Variants in CPNE4 observed in about 807,000 individuals in gnomAD.
CPNE4 encodes the protein copine-4.
In CPNE4, 25 loss-of-function variants were observed where a neutral mutation model predicts 67.9. The ratio of observed to expected loss-of-function variants is 0.37; its 90% CI spans 0.27 to 0.51. The LOEUF (loss-of-function observed/expected upper bound fraction) is 0.51. Among genes scored for constraint, CPNE4 ranks in the 20% least tolerant of loss-of-function variants. The pLI is 0.93. For missense variants in CPNE4, 464 were observed against 690.8 expected (o/e 0.67, Z 3.68); for synonymous variants, 242 against 244.9 (o/e 0.99, Z 0.11).
chr3:131,550,795 C>T (rs1055157371), intron 13 of CPNE4, among the ~76,000 whole-genome samples: 5 of 152,182 alleles, frequency 3.3e-5, no homozygotes, highest in Admixed American at 1.3e-4. Flanking sequence ...GTTATCATCA[C>T]GGACAACCCC....
chr3:131,542,501 G>T, intron 15 of CPNE4, 56 bp downstream of exon 15: 2 of 1,167,062 alleles, frequency 1.7e-6, no homozygotes, highest in Non-Finnish European at 2.6e-6. Flanking sequence ...TGTGGGAGGT[G>T]AGCATGCTTT....
chr3:131,768,708 G>T (rs998043219), intron 2 of CPNE4, among the ~76,000 whole-genome samples: 3 of 152,018 alleles, frequency 2.0e-5, no homozygotes, highest in Non-Finnish European at 4.4e-5. Flanking sequence ...GGATGATTTT[G>T]CCTTGTTTTT....
At chr3:132,038,680 G>A (rs1462923488), upstream of CPNE4, among the ~76,000 whole-genome samples, 6 of 152,092 alleles carry the variant, frequency 3.9e-5, no homozygotes, top group Non-Finnish European at 8.8e-5. Flanking sequence ...CCAAGATTCT[G>A]CTTTTTAACT....
At chr3:131,681,880 CT>C (rs573273718) in intron 6 of CPNE4, among the ~76,000 whole-genome samples, 119 of 151,906 alleles carry the variant, frequency 7.8e-4, no homozygotes, top group South Asian at 4.0e-3. Context: ...CAAGCTAATT[CT>C]TTCTTCTGCT....
chr3:131,684,170 G>GTT (rs1409628897), intron 6 of CPNE4, among the ~76,000 whole-genome samples: 1 of 152,218 alleles, frequency 6.6e-6, no homozygotes, highest in South Asian at 2.1e-4. Flanking sequence ...TTGTGTGTGT[G>GTT]TGGAGAGTTG....
At chr3:131,785,956 G>C (rs2083551220) in intron 2 of CPNE4, among the ~76,000 whole-genome samples, 1 of 152,084 alleles carries the variant, frequency 6.6e-6, no homozygotes, top group Admixed American at 6.6e-5. Context: ...TATATGACCA[G>C]CTTTCATGAT....
rs572983045 is a variant in CPNE4, at chr3:131,585,850, T to C, written c.780+1634A>G. The stretch of plus-strand genomic sequence containing the variant: ...GGTTTTAACTGTGGCTCTGAAACTC[T>C]GCATCCTGGCTTGTGGGTGATGGTC... On this transcript the variant is annotated intron_variant, in intron 8 of 15. Coordinates refer to ENST00000429747, the MANE Select transcript of CPNE4 (RefSeq NM_130808.3). Among the ~76,000 whole-genome samples the C allele has an allele frequency of 1.6e-3, 242 of 152,294 alleles. 1 individual carries two copies. Among genetic ancestry groups the C allele is most frequent in the Non-Finnish European group, 2.8e-3 (193 of 68,028 alleles).
At chr3:131,578,514 C>T (rs899001796) in intron 9 of CPNE4, among the ~76,000 whole-genome samples, 3 of 152,126 alleles carry the variant, frequency 2.0e-5, no homozygotes, top group Non-Finnish European at 4.4e-5. Flanking sequence ...GCATCTCTTA[C>T]TTAAAATTAA....
intron 1 of CPNE4, among the ~76,000 whole-genome samples, chr3:131,940,450 C>T (rs2071353145): frequency 6.6e-6 from 1 of 151,834 alleles, no homozygotes; most frequent in African/African-American, 2.4e-5. Context: ...CATGTCTTAC[C>T]TTTCATGTAT....
At chr3:131,724,882 T>C (rs1401249345) in intron 2 of CPNE4, among the ~76,000 whole-genome samples, 2 of 152,222 alleles carry the variant, frequency 1.3e-5, no homozygotes, top group East Asian at 3.8e-4. Context: ...GCTCTTTTCC[T>C]ACATACTTGT....
At position 131,719,946 on chromosome 3, in the gene CPNE4, A is replaced by G. The variant is rs1583076717; in HGVS notation, c.360+3500T>C. Among the ~76,000 whole-genome samples the G allele has an allele frequency of 2.0e-5, 3 of 152,250 alleles. No individual in the cohort carries two copies. The South Asian group carries it at 6.2e-4, about 32-fold the overall frequency. ...CTCTTGCAAGTGGGTGATGAGATTC[A>G]TGTGATTAGCTGAGATCACTCAGGA... On this transcript the variant is annotated intron_variant, in intron 3 of 15. Coordinates refer to ENST00000429747, the MANE Select transcript of CPNE4 (RefSeq NM_130808.3).
intron 2 of CPNE4, among the ~76,000 whole-genome samples, chr3:131,765,176 G>A (rs1583162941): frequency 6.6e-6 from 1 of 152,178 alleles, no homozygotes; most frequent in South Asian, 2.1e-4. Context: ...CTTCCTTCCT[G>A]TTTGGGAACT....
intron 1 of CPNE4, among the ~76,000 whole-genome samples, chr3:131,996,752 G>A (rs2073305478): frequency 6.6e-6 from 1 of 152,030 alleles, no homozygotes. Flanking sequence ...GTTCTGTACG[G>A]CGTGTTCTGA....
At chr3:131,941,268 T>G (rs143556460) in intron 1 of CPNE4, among the ~76,000 whole-genome samples, 5 of 152,190 alleles carry the variant, frequency 3.3e-5, no homozygotes, top group African/African-American at 9.6e-5. Flanking sequence ...AAAAGCATCA[T>G]TTTCTAATTA....
intron 1 of CPNE4, among the ~76,000 whole-genome samples, chr3:131,989,878 C>T (rs573223539): frequency 4.4e-5 from 6 of 135,750 alleles, no homozygotes; most frequent in Non-Finnish European, 8.3e-5. Context: ...AGCTTATAAC[C>T]AAGCATGAAG....
intron 7 of CPNE4, among the ~76,000 whole-genome samples, chr3:131,607,133 C>G (rs1036347324): frequency 6.6e-6 from 1 of 151,742 alleles, no homozygotes; most frequent in African/African-American, 2.4e-5. Context: ...GACAGACAGA[C>G]TTTTGGGTGG....
At chr3:131,788,432 T>C (rs898482609) in intron 2 of CPNE4, among the ~76,000 whole-genome samples, 1 of 151,890 alleles carries the variant, frequency 6.6e-6, no homozygotes, top group African/African-American at 2.4e-5. Context: ...TAATAATCAA[T>C]GAGTTACAAT....
intron 2 of CPNE4, among the ~76,000 whole-genome samples, chr3:131,801,452 G>GTATATATA (rs71136416): frequency 0.046 from 2,444 of 53,218 alleles, 112 homozygotes; most frequent in African/African-American, 0.058. Flanking sequence ...GTGTGTGTGT[G>GTATATATA]TATATATATA....
At chr3:131,858,424 T>G (rs1237298038) in intron 2 of CPNE4, among the ~76,000 whole-genome samples, 1 of 152,102 alleles carries the variant, frequency 6.6e-6, no homozygotes, top group Admixed American at 6.6e-5. Flanking sequence ...ATCATCTACA[T>G]AGAAACTTGG....
Sources: allele counts gnomAD v4.1 joint callset (sites outside exome capture counted in the v4.1 genomes callset), GRCh38; gene constraint gnomAD v4.1.1; transcripts MANE v1.5; gene names NCBI Gene and HGNC (gene_info 2026-07-23, HGNC 2026-07-21).